The following STARD9 variants were observed in gnomAD, a reference collection of about 807,000 sequenced individuals.
The protein encoded by STARD9 is StAR related lipid transfer domain containing 9.
Under a neutral mutation model 399.8 loss-of-function variants are expected in STARD9, and 346 were observed. That is an observed-to-expected ratio of 0.87 (90% CI 0.79 to 0.95). The LOEUF (loss-of-function observed/expected upper bound fraction) is 0.95. Among genes scored for constraint, STARD9 ranks in the 40% least tolerant of loss-of-function variants. STARD9 has a pLI of 0.00. For synonymous variants in STARD9, 2,203 were observed against 2,143.5 expected, an observed-to-expected ratio of 1.03 and a Z score of -0.77; for missense variants, 5,832 against 5,667.5, an observed-to-expected ratio of 1.03 and a Z score of -0.93.
rs2059392150 is a variant in STARD9 at position 42,634,945 on chromosome 15, G to A, written c.324G>A (p.Gly108=). Residue 108 remains glycine (G), a synonymous_variant, in exon 4 of 33, where the codon GGG becomes GGA. Transcript: ENST00000290607. The stretch of plus-strand genomic sequence containing the variant: ...TTGCTTATGGACAGACAGGCTCTGG[G>A]AAGACATATACCATGCTGGGGACCC... ...CLFAYGQTGS[G]KTYTMLGTPA... 1 of 1,536,730 alleles carries A rather than the reference G, an allele frequency of 6.5e-7. No homozygotes were observed. The highest frequency in any genetic ancestry group is 8.7e-7 in the Non-Finnish European group (1 of 1,146,486).
intron 17 of STARD9, 86 bp downstream of exon 17, chr15:42,674,577 A>G: frequency 7.5e-7 from 1 of 1,326,112 alleles, no homozygotes; most frequent in South Asian, 1.3e-5. Flanking sequence ...TGATGCTCTG[A>G]GAAGAAGGGA....
chr15:42,685,713 A>G lies in STARD9; in HGVS notation c.4135A>G (p.Asn1379Asp), dbSNP rs770340605. 4 of 1,537,324 alleles carry G rather than the reference A, an allele frequency of 2.6e-6. No individual in the cohort carries two copies. The African/African-American group carries it at 4.1e-5, about 16-fold the overall frequency. ...GGGGGAGAGGCCTGGATACTGGCCA[A>G]ATACTGAGGAACTAAAGCCATCAGA... ...CKGERPGYWP[N>D]TEELKPSDAE... The change falls in exon 23 of 33, where the codon AAT (asparagine) becomes GAT (aspartate). Residue 1379 changes from asparagine to aspartate, a missense_variant. Around this residue, in one of 2 missense-constraint regions of STARD9, gnomAD observed 5,828 missense variants for 5,651.1 expected, o/e 1.03. Transcript: ENST00000290607.
At chr15:42,579,214 A>G (rs530888008) in intron 1 of STARD9, among the ~76,000 whole-genome samples, 1 of 152,316 alleles carries the variant, frequency 6.6e-6, no homozygotes, top group Admixed American at 6.5e-5. Flanking sequence ...TGAACAACCC[A>G]TAACAAGGCA....
rs189324154 is a variant in STARD9, at chr15:42,575,880, G to A, written c.47+118G>A. The A allele has an allele frequency of 5.0e-4, 584 of 1,158,946 alleles. No individual in the cohort carries two copies. The African/African-American group carries it at 7.8e-3, about 15-fold the overall frequency. 71.8% of individuals were successfully genotyped at this position (1,158,946 alleles called of 1,614,324 possible). A position where few individuals can be genotyped will look rare whatever the true frequency, so the allele number is the denominator to read the frequency against. On this transcript the variant is annotated intron_variant, in intron 1 of 32. Coordinates refer to ENST00000290607, the MANE Select transcript of STARD9 (RefSeq NM_020759.3). ...GAAATCGGTGACAAAGTGACCCGGG[G>A]GGTCGGGGTCCGGAATCCACGGAGG...
chr15:42,696,508 C>T (rs573943088), intron 26 of STARD9, among the ~76,000 whole-genome samples: 87 of 152,270 alleles, frequency 5.7e-4, no homozygotes, highest in African/African-American at 2.0e-3. Flanking sequence ...GTTCTGGCCC[C>T]TTTCTAATCC....
chr15:42,718,827 G>C lies in STARD9; in HGVS notation c.13918G>C (p.Gly4640Arg). Residue 4640 changes from glycine to arginine, a missense_variant, in exon 32 of 33, where the codon GGG becomes CGG. By Grantham distance (125) the Gly-to-Arg change is moderately radical (BLOSUM62 -2). This residue lies in a region of STARD9 where 5,828 missense variants were observed against 5,651.1 expected (regional missense o/e 1.03). Transcript: ENST00000290607. ...AAGACCCAGCAGAAAAATGGTTCGC[G>C]GGGAGATCCTGCCCAGTGCCTGGAT... ...MPRPSRKMVRGEILPSAWILQ... is the reference protein window; with the variant it reads ...MPRPSRKMVRREILPSAWILQ... 1.3e-6 allele frequency: 2 copies of C among 1,537,232 alleles called. No individual in the cohort carries two copies. The highest frequency in any genetic ancestry group is 8.7e-7 in the Non-Finnish European group (1 of 1,146,884).
chr15:42,679,648 T>C (rs1170744872), intron 20 of STARD9, among the ~76,000 whole-genome samples: 2 of 152,172 alleles, frequency 1.3e-5, no homozygotes, highest in Admixed American at 6.5e-5. Flanking sequence ...GCGGCAAACA[T>C]TTTCTGTAAA....
chr15:42,668,216 AC>A (rs2060140563), intron 15 of STARD9, among the ~76,000 whole-genome samples: 1 of 152,168 alleles, frequency 6.6e-6, no homozygotes, highest in African/African-American at 2.4e-5. Context: ...TCCCTATCCA[AC>A]CCAGCCCTTT....
Position 42,626,674 on chromosome 15 carries a change from A to AT in STARD9, c.235-8165dup, listed in dbSNP as rs796664585. Among the ~76,000 whole-genome samples, 1,097 of 118,300 alleles carry AT rather than the reference A, an allele frequency of 9.3e-3. 5 individuals carry two copies. The highest frequency in any genetic ancestry group is 0.016 in the African/African-American group (498 of 31,888). The allele number at this position is 118,300 out of a possible 152,430, so 77.6% of individuals were successfully genotyped here. ...CGCCACCACGCTCAGCTAATTTTGT[A>AT]TTTTTTTTTTTTTTTTTAGTAGAGA... is the stretch of plus-strand genomic sequence containing the variant. On this transcript the variant is annotated intron_variant, in intron 3 of 32. Transcript: ENST00000290607.
At position 42,693,348 on chromosome 15, in the gene STARD9, T is replaced by A. The variant is rs1221478887; in HGVS notation, c.11770T>A (p.Ser3924Thr). Reference protein sequence around the residue: ...SPGSLTLSAPSTHPVEGHQKL... With the variant: ...SPGSLTLSAPTTHPVEGHQKL... Reference sequence around the variant, plus strand: ...AGGCTCTTTGACCCTCTCAGCCCCTTCAACTCACCCTGTTGAAGGCCACCA... The same window carrying A: ...AGGCTCTTTGACCCTCTCAGCCCCTACAACTCACCCTGTTGAAGGCCACCA... The change falls in exon 23 of 33, where the codon TCA (serine) becomes ACA (threonine). Residue 3924 changes from serine (S) to threonine (T), a missense_variant. By Grantham distance (58) the Ser-to-Thr change is moderately conservative. Transcript: ENST00000290607. The A allele has an allele frequency of 3.9e-6, 6 of 1,536,922 alleles. 1 individual carries two copies. In the African/African-American group the frequency reaches 8.2e-5, roughly 21 times the overall value.
chr15:42,702,193 G>A (rs543778980), intron 26 of STARD9, among the ~76,000 whole-genome samples: 6 of 152,070 alleles, frequency 3.9e-5, no homozygotes, highest in Admixed American at 1.3e-4. Flanking sequence ...GAACAAAGAC[G>A]ATTAAAATTT....
Position 42,694,273 on chromosome 15 carries a change from A to T in STARD9, c.12695A>T (p.Gln4232Leu), listed in dbSNP as rs61753412. Residue 4232 changes from glutamine to leucine, a missense_variant, in exon 23 of 33, where the codon CAG becomes CTG. Physicochemically the swap from Gln to Leu is moderately radical, Grantham distance 113 (BLOSUM62 -2). Transcript: ENST00000290607. ...GCCGATGCCCTGCTCCAGGTGCTGCAGAGTGGGACAGGGGAGGCGCTTGCT... is the reference window on the plus strand; with the variant it reads ...GCCGATGCCCTGCTCCAGGTGCTGCTGAGTGGGACAGGGGAGGCGCTTGCT... Reference protein sequence around the residue: ...GEADALLQVLQSGTGEALAAD... With the variant: ...GEADALLQVLLSGTGEALAAD... The T allele has an allele frequency of 6.0e-3, 9,204 of 1,523,286 alleles. 382 individuals are homozygous for T. In the African/African-American group the frequency reaches 0.1, roughly 17 times the overall value. The allele number at this position is 1,523,286 out of a possible 1,614,324, so 94.4% of individuals were successfully genotyped here.
chr15:42,690,478 A>G lies in STARD9; in HGVS notation c.8900A>G (p.Tyr2967Cys), dbSNP rs1384338613. The G allele has an allele frequency of 1.3e-6, 2 of 1,537,186 alleles. No homozygotes were observed. The highest frequency in any genetic ancestry group is 2.4e-5 in the East Asian group (1 of 40,924). ...CSSQPVATHA[Y>C]SSHSSTLLCF... ...TCTCAACCTGTTGCTACTCATGCTT[A>G]TTCCTCCCATTCCTCTACTTTACTG... is the stretch of plus-strand genomic sequence containing the variant. Residue 2967 changes from tyrosine to cysteine, a missense_variant, in exon 23 of 33, where the codon TAT (tyrosine) becomes TGT (cysteine). By Grantham distance (194) the Tyr-to-Cys change is radical (BLOSUM62 -2). Transcript: ENST00000290607.
Position 42,689,966 on chromosome 15 carries a change from T to G in STARD9, c.8388T>G (p.Val2796=). ...CTCTAGACACCACATATGGAGAAGT[T>G]TCAGATAATTTGTTAGTGACTGCAC... ...PRTLDTTYGE[V]SDNLLVTAQG... is the part of the protein sequence containing the mutation. The change falls in exon 23 of 33, where the codon GTT becomes GTG. Residue 2796 remains valine, a synonymous_variant. Transcript: ENST00000290607. 1 of 1,537,528 alleles carries G rather than the reference T, an allele frequency of 6.5e-7. No homozygotes were observed. Among genetic ancestry groups the G allele is most frequent in the East Asian group, 2.4e-5 (1 of 40,914 alleles).
In STARD9 at chr15:42,652,668, A is replaced by G. The variant is rs138612480; in HGVS notation, c.702+76A>G. Reference sequence around the variant, plus strand: ...AAACCACTTTCTTGTCTTCCTTCCTATTTCTTTTTTTGTTTGTTGGTTTTT... The same window carrying G: ...AAACCACTTTCTTGTCTTCCTTCCTGTTTCTTTTTTTGTTTGTTGGTTTTT... On this transcript the variant is annotated intron_variant, in intron 9 of 32. Transcript: ENST00000290607. The G allele has an allele frequency of 2.3e-5, 31 of 1,327,370 alleles. No individual in the cohort carries two copies. The African/African-American group carries it at 4.0e-4, about 17-fold the overall frequency. 82.2% of individuals were successfully genotyped at this position (1,327,370 alleles called of 1,614,324 possible).
intron 9 of STARD9, among the ~76,000 whole-genome samples, chr15:42,653,722 C>T (rs2059809158): frequency 6.6e-6 from 1 of 152,098 alleles, no homozygotes; most frequent in Admixed American, 6.5e-5. Context: ...ATGAAATCTT[C>T]TAGGCTGAAA....
chr15:42,603,441 AG>A (rs2058668851), intron 3 of STARD9, among the ~76,000 whole-genome samples: 1 of 152,146 alleles, frequency 6.6e-6, no homozygotes, highest in South Asian at 2.1e-4. Flanking sequence ...AATTGTGAGC[AG>A]GTGTGGAGGT....
chr15:42,680,175 A>ATT, intron 20 of STARD9, among the ~76,000 whole-genome samples: 1 of 152,300 alleles, frequency 6.6e-6, no homozygotes, highest in East Asian at 1.9e-4. Flanking sequence ...CAGAAAAAGC[A>ATT]TTTGAGGTCC....
At chr15:42,607,563 A>C (rs954863097) in intron 3 of STARD9, among the ~76,000 whole-genome samples, 1 of 151,402 alleles carries the variant, frequency 6.6e-6, no homozygotes, top group African/African-American at 2.4e-5. Flanking sequence ...TAGGAATTCC[A>C]GTTTCATATT....
Sources: gnomAD v4.1 joint callset for allele counts (sites outside exome capture counted in the v4.1 genomes callset) on GRCh38, gnomAD v4.1.1 for gene constraint, gnomAD v4.1.1 regional missense constraint, MANE v1.5 for transcripts, NCBI Gene and HGNC (gene_info 2026-07-23, HGNC 2026-07-21) for gene names.